The following ASTN2 variants were observed in gnomAD, a reference collection of about 807,000 sequenced individuals.
The protein encoded by ASTN2 is astrotactin-2.
In ASTN2, 54 loss-of-function variants were observed where a neutral mutation model predicts 139.8. The observed-to-expected ratio is 0.39, with a 90% CI of 0.31 to 0.48. The LOEUF is 0.48. Ranked by LOEUF, ASTN2 falls within the 20% of genes least tolerant of loss-of-function variation. The pLI is 0.95. For missense variants in ASTN2, 1,565 were observed against 1,725.1 expected, an observed-to-expected ratio of 0.91 and a Z score of 1.64; for synonymous variants, 756 against 719.5, an observed-to-expected ratio of 1.05 and a Z score of -0.81.
intron 20 of ASTN2, among the ~76,000 whole-genome samples, chr9:116,479,423 G>T (rs1293455512): frequency 6.6e-6 from 1 of 152,188 alleles, no homozygotes; most frequent in African/African-American, 2.4e-5. Context: ...AGGAGAGGTG[G>T]TGTCCTGAGG....
intron 17 of ASTN2, among the ~76,000 whole-genome samples, chr9:116,648,331 A>G (rs928252339): frequency 2.0e-5 from 3 of 151,848 alleles, no homozygotes; most frequent in African/African-American, 7.3e-5. Context: ...TGGTCTCCCT[A>G]TATTGCCCAG....
chr9:116,702,905 C>A (rs986407878), intron 16 of ASTN2, among the ~76,000 whole-genome samples: 2 of 152,142 alleles, frequency 1.3e-5, no homozygotes, highest in Admixed American at 1.3e-4. Flanking sequence ...GTAGAATAAA[C>A]GTGGCGTGAG....
intron 2 of ASTN2, among the ~76,000 whole-genome samples, chr9:117,262,960 C>T (rs573919609): frequency 3.0e-4 from 45 of 152,252 alleles, no homozygotes; most frequent in African/African-American, 1.1e-3. Flanking sequence ...AAATCATATT[C>T]TCCCCTAAAG....
chr9:117,237,630 C>T (rs935628175), intron 2 of ASTN2, among the ~76,000 whole-genome samples: 3 of 152,252 alleles, frequency 2.0e-5, no homozygotes, highest in Non-Finnish European at 2.9e-5. Context: ...CAGGTGCATG[C>T]CATCACGCCC....
chr9:116,931,140 A>G (rs937323662), intron 10 of ASTN2, among the ~76,000 whole-genome samples: 16 of 152,216 alleles, frequency 1.1e-4, no homozygotes, highest in African/African-American at 3.9e-4. Flanking sequence ...AGAACAGGGC[A>G]TCAACCTGCT....
At chr9:117,412,876 C>A (rs1346813638) in intron 1 of ASTN2, among the ~76,000 whole-genome samples, 1 of 152,186 alleles carries the variant, frequency 6.6e-6, no homozygotes, top group African/African-American at 2.4e-5. Context: ...CTAAGGAACA[C>A]CACCTCCACC....
intron 10 of ASTN2, among the ~76,000 whole-genome samples, chr9:116,954,774 C>T (rs1835664417): frequency 6.6e-6 from 1 of 152,276 alleles, no homozygotes; most frequent in Non-Finnish European, 1.5e-5. Context: ...TTTTCACACC[C>T]ACCACTCTGA....
chr9:116,886,570 T>C lies in ASTN2; in HGVS notation c.1890-22837A>G, dbSNP rs554843831. Among the ~76,000 whole-genome samples, 3 of 152,138 alleles carry C rather than the reference T, an allele frequency of 2.0e-5. No homozygotes were observed. In the South Asian group the frequency reaches 6.2e-4, roughly 32 times the overall value. ...TGTTGTTGAGATGGGTTTTACTATG[T>C]TGTCCAGGCTGGTCTTGAAGTCCTG... On this transcript the variant is annotated intron_variant, in intron 10 of 22. Coordinates refer to ENST00000313400, the MANE Select transcript of ASTN2 (RefSeq NM_001365068.1).
chr9:116,770,832 TC>T (rs2132184780), intron 13 of ASTN2, among the ~76,000 whole-genome samples: 1 of 152,302 alleles, frequency 6.6e-6, no homozygotes, highest in East Asian at 1.9e-4. Flanking sequence ...TTGAGGGTTT[TC>T]CCCAAGGGCA....
chr9:117,204,373 G>C (rs963280726), intron 3 of ASTN2, among the ~76,000 whole-genome samples: 2 of 152,132 alleles, frequency 1.3e-5, no homozygotes, highest in African/African-American at 2.4e-5. Context: ...GATTTATCTT[G>C]ATTGATCAAC....
At chr9:116,565,849 G>A (rs1853207248) in intron 19 of ASTN2, among the ~76,000 whole-genome samples, 1 of 152,014 alleles carries the variant, frequency 6.6e-6, no homozygotes, top group South Asian at 2.1e-4. Flanking sequence ...ACCTACTAAT[G>A]GATTATGACC....
intron 20 of ASTN2, among the ~76,000 whole-genome samples, chr9:116,474,029 A>T (rs890896031): frequency 3.3e-5 from 5 of 152,232 alleles, no homozygotes; most frequent in Non-Finnish European, 7.3e-5. Flanking sequence ...TCTAACATGG[A>T]AAATGGCAAT....
At chr9:116,868,485 G>A (rs532800036) in intron 10 of ASTN2, among the ~76,000 whole-genome samples, 2 of 152,282 alleles carry the variant, frequency 1.3e-5, no homozygotes, top group South Asian at 2.1e-4. Flanking sequence ...CTTAGCAGAG[G>A]AGGACAGAAT....
chr9:117,021,397 C>T (rs556666324), intron 6 of ASTN2, among the ~76,000 whole-genome samples: 6 of 152,176 alleles, frequency 3.9e-5, no homozygotes, highest in African/African-American at 1.4e-4. Flanking sequence ...AGCTAAATAG[C>T]CAAACCATGG....
At chr9:117,273,135 G>A (rs909854988) in intron 2 of ASTN2, among the ~76,000 whole-genome samples, 7 of 152,172 alleles carry the variant, frequency 4.6e-5, no homozygotes, top group African/African-American at 1.7e-4. Flanking sequence ...AGGGCAAAAG[G>A]CACTTCTTAC....
intron 16 of ASTN2, among the ~76,000 whole-genome samples, chr9:116,687,675 G>C (rs1860337253): frequency 6.6e-6 from 1 of 151,888 alleles, no homozygotes; most frequent in Admixed American, 6.6e-5. Context: ...GGTAATGTCG[G>C]GGCCCTGAGG....
At chr9:116,657,135 C>T (rs896467629) in intron 16 of ASTN2, among the ~76,000 whole-genome samples, 6 of 152,162 alleles carry the variant, frequency 3.9e-5, no homozygotes, top group Non-Finnish European at 7.3e-5. Context: ...CAAGGACCCA[C>T]ACAAATATCT....
In ASTN2 at chr9:116,508,447, T is replaced by C. The variant is rs1010652703; in HGVS notation, c.3356-20947A>G. ...CACTGAATGTGTTCAACAGGACCAG[T>C]CAATTTTTTGTGAAGGGTAGAAGTG... On this transcript the variant is annotated intron_variant, in intron 19 of 22. Coordinates refer to ENST00000313400, the MANE Select transcript of ASTN2 (RefSeq NM_001365068.1). Among the ~76,000 whole-genome samples, 5 of 152,266 alleles carry C rather than the reference T, an allele frequency of 3.3e-5. No homozygotes were observed. In the South Asian group the frequency reaches 6.2e-4, roughly 19 times the overall value.
chr9:117,137,208 T>G (rs1320368638), intron 4 of ASTN2, among the ~76,000 whole-genome samples: 1 of 152,198 alleles, frequency 6.6e-6, no homozygotes, highest in Non-Finnish European at 1.5e-5. Context: ...CACTTCAGCC[T>G]CCACCAGGCC....
Sources: allele counts gnomAD v4.1 joint callset (sites outside exome capture counted in the v4.1 genomes callset), GRCh38; gene constraint gnomAD v4.1.1; transcripts MANE v1.5; gene names NCBI Gene and HGNC (gene_info 2026-07-23, HGNC 2026-07-21).